KCNH7: variants seen among roughly 807,000 people sequenced by gnomAD.
KCNH7 encodes potassium voltage-gated channel subfamily H member 7, also known as voltage-gated inwardly rectifying potassium channel KCNH7.
KCNH7 carries 49 observed loss-of-function variants against 120.8 expected under a neutral mutation model. That is an observed-to-expected ratio of 0.41 (90% CI 0.32 to 0.51). The LOEUF (loss-of-function observed/expected upper bound fraction) is 0.51, where lower values mean the gene tolerates loss of function less well. Among genes scored for constraint, KCNH7 ranks in the 20% least tolerant of loss-of-function variants. The pLI is 0.38. For missense variants in KCNH7, 1,097 were observed against 1,446.6 expected (o/e 0.76, Z 3.92); for synonymous variants, 547 against 516.1 (o/e 1.06, Z -0.81).
At chr2:162,612,992 T>A (rs1289903645) in intron 2 of KCNH7, among the ~76,000 whole-genome samples, 1 of 151,908 alleles carries the variant, frequency 6.6e-6, no homozygotes, top group Non-Finnish European at 1.5e-5. Flanking sequence ...GAGGGTAGAA[T>A]AAGAAGATTT....
chr2:162,428,870 T>A (rs1026012061), intron 8 of KCNH7, among the ~76,000 whole-genome samples: 4 of 151,874 alleles, frequency 2.6e-5, no homozygotes, highest in African/African-American at 9.7e-5. Flanking sequence ...ACATTCTTTT[T>A]AATTTTTTTT....
rs192174210 is a variant in KCNH7 at position 162,548,675 on chromosome 2, G to A, written c.308-11595C>T. ...AATGTAGAGGTTAAGCTTAAAGCCT[G>A]CTTTAATTGCCAGGAGTTAATTCCT... On this transcript the variant is annotated intron_variant, in intron 2 of 15. Transcript: ENST00000332142. Among the ~76,000 whole-genome samples, 8 of 152,170 alleles carry A rather than the reference G, an allele frequency of 5.3e-5. No individual in the cohort carries two copies. In the East Asian group the frequency reaches 1.4e-3, roughly 26 times the overall value.
chr2:162,667,065 G>A (rs1432117119), intron 2 of KCNH7, among the ~76,000 whole-genome samples: 1 of 144,686 alleles, frequency 6.9e-6, no homozygotes, highest in Admixed American at 7.0e-5. Context: ...CATCACCCAG[G>A]CTGGAGTGCA....
At chr2:162,414,930 C>T (rs2105473175) in intron 9 of KCNH7, among the ~76,000 whole-genome samples, 1 of 152,030 alleles carries the variant, frequency 6.6e-6, no homozygotes, top group South Asian at 2.1e-4. Context: ...ATGTCTTACT[C>T]CCTACCTTAA....
chr2:162,438,559 A>T lies in KCNH7; in HGVS notation c.1555-2962T>A, dbSNP rs79942224. On this transcript the variant is annotated intron_variant, in intron 7 of 15. Transcript: ENST00000332142. ...CACAAAGTAGGGGGAAGGGGAAGAA[A>T]TTACTAAGTAGTAATTATGTCTCTC... 6.1e-3 allele frequency among the ~76,000 whole-genome samples: 931 copies of T among 152,270 alleles called. 8 individuals are homozygous for T. The highest frequency in any genetic ancestry group is 7.7e-3 in the Non-Finnish European group (523 of 67,998).
intron 8 of KCNH7, among the ~76,000 whole-genome samples, chr2:162,434,920 T>C (rs946242892): frequency 1.3e-5 from 2 of 152,024 alleles, no homozygotes; most frequent in African/African-American, 2.4e-5. Flanking sequence ...TTACAGATAC[T>C]CTTTGTATAG....
At chr2:162,457,570 C>T (rs1037412023) in intron 6 of KCNH7, among the ~76,000 whole-genome samples, 2 of 152,112 alleles carry the variant, frequency 1.3e-5, no homozygotes, top group African/African-American at 4.8e-5. Flanking sequence ...CAATGAAGAT[C>T]TACTGTGAAA....
At chr2:162,797,006 T>C (rs1684170580) in intron 2 of KCNH7, 1 of 152,088 alleles carries the variant, frequency 6.6e-6, no homozygotes, top group Admixed American at 6.6e-5. Flanking sequence ...AGATTTAAGA[T>C]GCAGGTCCAT....
At chr2:162,450,426 T>C (rs1047543692) in intron 6 of KCNH7, among the ~76,000 whole-genome samples, 9 of 152,200 alleles carry the variant, frequency 5.9e-5, no homozygotes, top group African/African-American at 1.9e-4. Context: ...TGCATCATTA[T>C]GCATGTTTTA....
At chr2:162,809,199 G>A (rs1684648219) in intron 2 of KCNH7, among the ~76,000 whole-genome samples, 1 of 152,082 alleles carries the variant, frequency 6.6e-6, no homozygotes, top group South Asian at 2.1e-4. Context: ...CTGTATTGTA[G>A]AAGACAGAAA....
At position 162,671,514 on chromosome 2, in the gene KCNH7, A is replaced by G. The variant is rs145814628; in HGVS notation, c.308-134434T>C. The stretch of plus-strand genomic sequence containing the variant: ...TGTGAGAGGTAACCAATGAGTACAC[A>G]TGGACATACAAAGTGAAATAACAGA... On this transcript the variant is annotated intron_variant, in intron 2 of 15. Transcript: ENST00000332142. Among the ~76,000 whole-genome samples the G allele has an allele frequency of 2.9e-3, 437 of 152,208 alleles. 1 individual carries two copies. Among genetic ancestry groups the G allele is most frequent in the Non-Finnish European group, 4.5e-3 (304 of 68,006 alleles).
intron 2 of KCNH7, among the ~76,000 whole-genome samples, chr2:162,830,110 G>A (rs1292309771): frequency 6.6e-6 from 1 of 152,196 alleles, no homozygotes; most frequent in Non-Finnish European, 1.5e-5. Context: ...AGTGCAGATA[G>A]TGGGAACATC....
chr2:162,524,458 T>C (rs1691633883), intron 3 of KCNH7, among the ~76,000 whole-genome samples: 1 of 152,026 alleles, frequency 6.6e-6, no homozygotes, highest in African/African-American at 2.4e-5. Flanking sequence ...GGAAGATGTC[T>C]GGGCTTAGGG....
chr2:162,632,823 C>T (rs1192277614), intron 2 of KCNH7, among the ~76,000 whole-genome samples: 1 of 151,440 alleles, frequency 6.6e-6, no homozygotes, highest in African/African-American at 2.4e-5. Flanking sequence ...TCTGTACTAA[C>T]AAATAAATTT....
chr2:162,831,958 T>A (rs1685493715), intron 2 of KCNH7, among the ~76,000 whole-genome samples: 2 of 152,136 alleles, frequency 1.3e-5, no homozygotes, highest in Non-Finnish European at 2.9e-5. Flanking sequence ...ACTGAAATAG[T>A]TTTCAAATTG....
rs543009195 is a variant in KCNH7, at chr2:162,780,077, G to C, written c.307+56460C>G. ...GTTAAATCATTTGCTTATGAATTAT[G>C]AATTTGATAAAGAAGAACAAAATTC... On this transcript the variant is annotated intron_variant, in intron 2 of 15. Coordinates refer to ENST00000332142, the MANE Select transcript of KCNH7 (RefSeq NM_033272.4). 2.0e-5 allele frequency among the ~76,000 whole-genome samples: 3 copies of C among 152,290 alleles called. No individual in the cohort carries two copies. The East Asian group carries it at 5.8e-4, about 29-fold the overall frequency.
chr2:162,568,666 G>A (rs1693347251), intron 2 of KCNH7, among the ~76,000 whole-genome samples: 1 of 151,902 alleles, frequency 6.6e-6, no homozygotes, highest in African/African-American at 2.4e-5. Flanking sequence ...TGAAGTTAAA[G>A]CTGTTGGAGT....
intron 12 of KCNH7, among the ~76,000 whole-genome samples, chr2:162,390,763 C>T (rs988564718): frequency 6.6e-6 from 1 of 151,866 alleles, no homozygotes; most frequent in African/African-American, 2.4e-5. Context: ...CCTGCACTTA[C>T]AAGTCTCTCC....
chr2:162,805,924 C>A (rs568420070), intron 2 of KCNH7, among the ~76,000 whole-genome samples: 3 of 151,960 alleles, frequency 2.0e-5, no homozygotes, highest in East Asian at 3.9e-4. Context: ...GAAATAATGT[C>A]TTTTACGGCA....
Sources: allele counts gnomAD v4.1 joint callset (sites outside exome capture counted in the v4.1 genomes callset), GRCh38; gene constraint gnomAD v4.1.1; transcripts MANE v1.5; gene names NCBI Gene and HGNC (gene_info 2026-07-23, HGNC 2026-07-21).